The following NBAS variants were observed in gnomAD, a reference collection of about 807,000 sequenced individuals.
The protein encoded by NBAS is NBAS subunit of NRZ tethering complex.
Under a neutral mutation model 302.5 loss-of-function variants are expected in NBAS, and 219 were observed. The ratio of observed to expected loss-of-function variants is 0.72; its 90% confidence interval spans 0.65 to 0.81. The LOEUF (loss-of-function observed/expected upper bound fraction) is 0.81. Among genes scored for constraint, NBAS ranks in the 30% least tolerant of loss-of-function variants. NBAS has a pLI of 0.00. For synonymous variants in NBAS, 1,118 were observed against 1,021.6 expected (o/e 1.09, Z -1.80); for missense variants, 2,932 against 2,841.6 (o/e 1.03, Z -0.72).
At chr2:15,285,181 T>A (rs1016909920) in intron 42 of NBAS, among the ~76,000 whole-genome samples, 2 of 152,236 alleles carry the variant, frequency 1.3e-5, no homozygotes, top group Non-Finnish European at 2.9e-5. Context: ...CTATCTTCCA[T>A]GTAGCAATTT....
At chr2:15,379,196 CT>C (rs5829503) in intron 30 of NBAS, among the ~76,000 whole-genome samples, 15,791 of 146,310 alleles carry the variant, frequency 0.11, 2,449 homozygotes, top group African/African-American at 0.34. Flanking sequence ...GTCTCTCTCT[CT>C]TTTTTTTTTT....
intron 28 of NBAS, among the ~76,000 whole-genome samples, chr2:15,391,267 T>A (rs1446203039): frequency 4.6e-5 from 7 of 152,084 alleles, no homozygotes; most frequent in Admixed American, 4.6e-4. Context: ...ACGATGGTGT[T>A]AGAAAAACAG....
chr2:15,121,573 C>A, the NBAS span, among the ~76,000 whole-genome samples: 1 of 152,186 alleles, frequency 6.6e-6, no homozygotes, highest in African/African-American at 2.4e-5. Context: ...AAAATTACAT[C>A]TTTATTTTCA....
chr2:15,176,950 C>T (rs1664571554), intron 51 of NBAS, among the ~76,000 whole-genome samples: 1 of 152,198 alleles, frequency 6.6e-6, no homozygotes, highest in Non-Finnish European at 1.5e-5. Context: ...ACCTTAGCCT[C>T]TGGGGACTGC....
At position 15,455,991 on chromosome 2, in the gene NBAS, G is replaced by T. The variant is rs141541192; in HGVS notation, c.2339+5210C>A. Among the ~76,000 whole-genome samples, 132 of 152,182 alleles carry T rather than the reference G, an allele frequency of 8.7e-4. 1 individual carries two copies. Among genetic ancestry groups the T allele is most frequent in the African/African-American group, 3.1e-3 (129 of 41,530 alleles). On this transcript the variant is annotated intron_variant, in intron 21 of 51. Coordinates refer to ENST00000281513, the MANE Select transcript of NBAS (RefSeq NM_015909.4). ...ATCTCTATTATCTCAAGTTGTGGAAGCTAACAAAGACTGCAAAAAATGTCA... is the reference window on the plus strand; with the variant it reads ...ATCTCTATTATCTCAAGTTGTGGAATCTAACAAAGACTGCAAAAAATGTCA...
chr2:15,513,983 C>G lies in NBAS; in HGVS notation c.747-2633G>C, dbSNP rs74363565. ...GCCTGGGTGACAGAATGAGTGAGAA[C>G]CTGTCTAAAAAAGAGGCAGGGGAGA... On this transcript the variant is annotated intron_variant, in intron 9 of 51. Transcript: ENST00000281513. Among the ~76,000 whole-genome samples, 381 of 152,070 alleles carry G rather than the reference C, an allele frequency of 2.5e-3. 5 individuals carry two copies. In the East Asian group the frequency reaches 0.032, roughly 13 times the overall value.
chr2:15,317,531 A>G lies in NBAS; in HGVS notation c.4583-8284T>C, dbSNP rs548607052. Among the ~76,000 whole-genome samples the G allele has an allele frequency of 3.3e-5, 5 of 152,350 alleles. No individual in the cohort carries two copies. The South Asian group carries it at 1.0e-3, about 32-fold the overall frequency. ...AGGGTTAGACGAATGTCTAACTAGA[A>G]TAAACAGTGTAGAGAAGACCTTAAA... On this transcript the variant is annotated intron_variant, in intron 38 of 51. Transcript: ENST00000281513.
At chr2:15,065,799 C>A in the NBAS span, among the ~76,000 whole-genome samples, 3 of 152,172 alleles carry the variant, frequency 2.0e-5, no homozygotes, top group East Asian at 5.8e-4. Context: ...CTTGTTACTG[C>A]TAAATTGCCC....
At chr2:15,435,957 TTAAC>T (rs1367633969) in intron 21 of NBAS, among the ~76,000 whole-genome samples, 2 of 152,166 alleles carry the variant, frequency 1.3e-5, no homozygotes, top group African/African-American at 2.4e-5. Flanking sequence ...AGCAATAATT[TTAAC>T]TAACTTTATA....
chr2:15,233,077 T>C (rs981979247), intron 46 of NBAS, among the ~76,000 whole-genome samples: 2 of 152,234 alleles, frequency 1.3e-5, no homozygotes, highest in African/African-American at 4.8e-5. Flanking sequence ...TCGAATAATT[T>C]AATGATATAA....
chr2:15,243,349 A>G (rs1227022663), intron 44 of NBAS, among the ~76,000 whole-genome samples: 1 of 152,144 alleles, frequency 6.6e-6, no homozygotes, highest in African/African-American at 2.4e-5. Flanking sequence ...AACCACAACA[A>G]TTAAGGAGAA....
intron 21 of NBAS, among the ~76,000 whole-genome samples, chr2:15,435,201 T>C (rs1000014514): frequency 6.6e-6 from 1 of 152,198 alleles, no homozygotes; most frequent in Admixed American, 6.5e-5. Flanking sequence ...AATAAAAGGA[T>C]TAGAGAGGAA....
At chr2:14,824,753 G>A in the NBAS span, among the ~76,000 whole-genome samples, 2 of 152,122 alleles carry the variant, frequency 1.3e-5, no homozygotes, top group African/African-American at 4.8e-5. Context: ...AGTGGGAGCT[G>A]GAGTAATCGG....
the NBAS span, among the ~76,000 whole-genome samples, chr2:14,817,940 G>A: frequency 2.0e-5 from 3 of 152,100 alleles, no homozygotes; most frequent in African/African-American, 7.2e-5. Flanking sequence ...TAATATGTGA[G>A]GTTCGCTATT....
chr2:15,403,903 ATACACTTTTTTTT>A (rs1558308366), intron 25 of NBAS, among the ~76,000 whole-genome samples: 1 of 78,686 alleles, frequency 1.3e-5, no homozygotes, highest in Non-Finnish European at 2.8e-5. Flanking sequence ...GTGTGTGTCT[ATACACTTTTTTTT>A]TTTTTCCAGA....
chr2:14,798,699 G>T, the NBAS span, among the ~76,000 whole-genome samples: 55,815 of 151,760 alleles, frequency 0.37, 10,479 homozygotes, highest in African/African-American at 0.4. Flanking sequence ...AAATTCATCT[G>T]GAGTCTAGTT....
chr2:14,895,365 C>T, the NBAS span, among the ~76,000 whole-genome samples: 3 of 152,072 alleles, frequency 2.0e-5, no homozygotes, highest in Non-Finnish European at 2.9e-5. Flanking sequence ...AGACATTGGA[C>T]GAGTCAAAGA....
At chr2:14,800,667 TTA>T in the NBAS span, among the ~76,000 whole-genome samples, 4 of 152,224 alleles carry the variant, frequency 2.6e-5, no homozygotes, top group Admixed American at 1.3e-4. Context: ...CCTTAAAGAC[TTA>T]TATTTTCCTT....
chr2:15,153,202 G>A, the NBAS span, among the ~76,000 whole-genome samples: 1 of 152,198 alleles, frequency 6.6e-6, no homozygotes, highest in Non-Finnish European at 1.5e-5. Flanking sequence ...ATGATGATTA[G>A]CCACATGGTA....
Sources: allele counts gnomAD v4.1 joint callset (sites outside exome capture counted in the v4.1 genomes callset), GRCh38; gene constraint gnomAD v4.1.1; transcripts MANE v1.5; gene names NCBI Gene and HGNC (gene_info 2026-07-23, HGNC 2026-07-21).